Variants in NTRK1 observed in about 807,000 individuals in gnomAD.
NTRK1 encodes high affinity nerve growth factor receptor.
Under a neutral mutation model 86.8 loss-of-function variants are expected in NTRK1, and 62 were observed. That is an observed-to-expected ratio of 0.71 (90% confidence interval 0.58 to 0.88). NTRK1 has a LOEUF of 0.88. Ranked by LOEUF, NTRK1 falls within the 40% of genes least tolerant of loss-of-function variation. The pLI is 0.00. For synonymous variants in NTRK1, 469 were observed against 456.6 expected (o/e 1.03, Z -0.35); for missense variants, 967 against 1,078.4 (o/e 0.90, Z 1.45).
chr1:156,824,354 G>T (rs139399133), intron 1 of NTRK1, among the ~76,000 whole-genome samples: 1 of 152,296 alleles, frequency 6.6e-6, no homozygotes, highest in East Asian at 1.9e-4. Context: ...ACATTTATCA[G>T]TTGGTTATAT....
chr1:156,849,004 T>C (rs541561931), intron 2 of NTRK1: 1 of 1,613,342 alleles, frequency 6.2e-7, no homozygotes, highest in Admixed American at 1.7e-5. Flanking sequence ...GGATGCGGTC[T>C]GCCTCCGTCA....
intron 2 of NTRK1, among the ~76,000 whole-genome samples, chr1:156,848,326 C>G (rs1218315305): frequency 6.6e-6 from 1 of 152,212 alleles, no homozygotes; most frequent in African/African-American, 2.4e-5. Context: ...AGCATGAACT[C>G]CTTACTCCTG....
Position 156,875,602 on chromosome 1 carries a change from C to T in NTRK1, c.1437C>T (p.Thr479=), listed in dbSNP as rs770948722. The part of the protein sequence containing the change: ...MTLGGSSLSP[T]EGKGSGLQGH... ...TGGGTGGCAGCTCCCTGTCCCCCAC[C>T]GAGGGCAAAGGCTCTGGGCTCCAAG... The change falls in exon 12 of 17, where the codon ACC becomes ACT. Residue 479 remains threonine, a synonymous_variant. Transcript: ENST00000524377. The T allele has an allele frequency of 1.3e-5, 21 of 1,613,732 alleles. No homozygotes were observed. Among genetic ancestry groups the T allele is most frequent in the Middle Eastern group, 1.6e-4 (1 of 6,084 alleles).
rs190741064 is a variant in NTRK1 at position 156,843,183 on chromosome 1, G to A, written c.50+990G>A. The A allele has an allele frequency of 6.8e-6, 11 of 1,614,034 alleles. No individual in the cohort carries two copies. The Admixed American group carries it at 1.0e-4, about 15-fold the overall frequency. ...CCAAAAGAGCCCTGGCCCAGTTCCC[G>A]GATTATCGAGATCTGCTCCCGAGGC... On this transcript the variant is annotated intron_variant, in intron 2 of 16. Coordinates refer to the NTRK1 transcript ENST00000392302.
At chr1:156,848,085 A>T (rs1655073529) in intron 2 of NTRK1, among the ~76,000 whole-genome samples, 1 of 151,794 alleles carries the variant, frequency 6.6e-6, no homozygotes, top group South Asian at 2.1e-4. Context: ...AGGCCCAGGA[A>T]TCTGTATTTA....
In NTRK1 at chr1:156,868,508, T is replaced by C. The variant is rs1214670934; in HGVS notation, c.578T>C (p.Val193Ala). ...LAHMPNASCG[V>A]PTLKVQVPNA... is the part of the protein sequence containing the mutation. ...CTCGGGCGTCCTGGGTGGCCAGGTGTGCCCACGCTGAAGGTCCAGGTGCCC... is the reference window on the plus strand; with the variant it reads ...CTCGGGCGTCCTGGGTGGCCAGGTGCGCCCACGCTGAAGGTCCAGGTGCCC... Residue 193 changes from valine to alanine, a missense_variant, in exon 6 of 17, where the codon GTG becomes GCG. Coordinates refer to ENST00000524377, the MANE Select transcript of NTRK1 (RefSeq NM_002529.4). The C allele has an allele frequency of 4.5e-6, 7 of 1,557,378 alleles. No individual in the cohort carries two copies. The South Asian group carries it at 8.3e-5, about 18-fold the overall frequency.
At chr1:156,826,549 A>G (rs1216422330) in intron 1 of NTRK1, among the ~76,000 whole-genome samples, 1 of 151,996 alleles carries the variant, frequency 6.6e-6, no homozygotes, top group African/African-American at 2.4e-5. Context: ...TCGGCCTCCC[A>G]AAGTGCTGGG....
intron 3 of NTRK1, 159 bp downstream of exon 3, chr1:156,864,958 C>T: frequency 1.4e-6 from 1 of 728,936 alleles, no homozygotes. Flanking sequence ...CCATCTCCCT[C>T]AGGGATGGCA....
chr1:156,860,488 G>A (rs1655588049), upstream of NTRK1, among the ~76,000 whole-genome samples: 1 of 152,256 alleles, frequency 6.6e-6, no homozygotes, highest in Admixed American at 6.5e-5. Flanking sequence ...CCGCGAGGAT[G>A]GAGCGCTGAG....
intron 6 of NTRK1, 67 bp downstream of exon 6, chr1:156,868,714 A>G: frequency 6.5e-7 from 1 of 1,535,634 alleles, no homozygotes; most frequent in Non-Finnish European, 8.8e-7. Flanking sequence ...AGATGGGGAA[A>G]GAGAGACACA....
At chr1:156,827,980 C>CA (rs1553257178) in intron 1 of NTRK1, among the ~76,000 whole-genome samples, 2 of 151,328 alleles carry the variant, frequency 1.3e-5, no homozygotes, top group African/African-American at 2.4e-5. Context: ...TTAATATATC[C>CA]TTTTTTTTAT....
intron 1 of NTRK1, among the ~76,000 whole-genome samples, chr1:156,823,714 G>A (rs928062757): frequency 6.6e-6 from 1 of 152,188 alleles, no homozygotes; most frequent in South Asian, 2.1e-4. Flanking sequence ...CAAGTTTGGC[G>A]CTTGGCTGTA....
intron 10 of NTRK1, 128 bp downstream of exon 10, chr1:156,874,754 G>T (rs944902727): frequency 1.7e-6 from 2 of 1,207,886 alleles, no homozygotes; most frequent in Non-Finnish European, 2.4e-6. Flanking sequence ...ACGGCCACCC[G>T]CACAGCCACT....
chr1:156,876,004 C>T (rs2102916691), intron 12 of NTRK1, 76 bp from the exon 13 acceptor site: 2 of 1,609,920 alleles, frequency 1.2e-6, no homozygotes, highest in Non-Finnish European at 1.7e-6. Flanking sequence ...GCACACAGCC[C>T]TGCCAAGACA....
chr1:156,817,047 T>TTCCCTCTCTCTCTCTCTCTC (rs1654009287), intron 1 of NTRK1, among the ~76,000 whole-genome samples: 1 of 113,782 alleles, frequency 8.8e-6, no homozygotes, highest in Non-Finnish European at 1.8e-5. Context: ...GAACTTCCCT[T>TTCCCTCTCTCTCTCTCTCTC]TCTCTCTCTC....
At chr1:156,842,526 C>T in intron 2 of NTRK1, 1 of 1,593,714 alleles carries the variant, frequency 6.3e-7, no homozygotes, top group Non-Finnish European at 8.6e-7. Flanking sequence ...AGACAAAGGG[C>T]CTAGCAGACC....
chr1:156,842,073 C>G, intron 1 of NTRK1: 1 of 1,612,258 alleles, frequency 6.2e-7, no homozygotes, highest in Non-Finnish European at 8.5e-7. Context: ...AGTCTCTCTA[C>G]TTTTCAGGCC....
At chr1:156,863,135 G>A (rs999379850) in intron 1 of NTRK1, among the ~76,000 whole-genome samples, 3 of 152,114 alleles carry the variant, frequency 2.0e-5, no homozygotes, top group Non-Finnish European at 4.4e-5. Flanking sequence ...GGAACTCCCT[G>A]GTATGTCGGA....
At chr1:156,864,122 T>TGTGC (rs1314202470) in intron 1 of NTRK1, among the ~76,000 whole-genome samples, 1 of 152,110 alleles carries the variant, frequency 6.6e-6, no homozygotes, top group Admixed American at 6.5e-5. Flanking sequence ...TCCATATGTA[T>TGTGC]GTGCGCTTGT....
Sources: allele counts gnomAD v4.1 joint callset (sites outside exome capture counted in the v4.1 genomes callset), GRCh38; gene constraint gnomAD v4.1.1; transcripts MANE v1.5; gene names NCBI Gene and HGNC (gene_info 2026-07-23, HGNC 2026-07-21).